Variants in DYRK1A observed in about 807,000 individuals in gnomAD.
DYRK1A encodes the protein dual specificity tyrosine-phosphorylation-regulated kinase 1A.
DYRK1A carries 9 observed loss-of-function variants against 79.7 expected under a neutral mutation model. The observed-to-expected ratio is 0.11, with a 90% CI of 0.07 to 0.20. DYRK1A has a LOEUF of 0.20. Among genes scored for constraint, DYRK1A ranks in the 10% least tolerant of loss-of-function variants. The pLI is 1.00. For synonymous variants in DYRK1A, 349 were observed against 329.7 expected, an observed-to-expected ratio of 1.06 and a Z score of -0.63; for missense variants, 622 against 956.0, an observed-to-expected ratio of 0.65 and a Z score of 4.61.
At chr21:37,494,210 C>T (rs2053188300) in intron 8 of DYRK1A, among the ~76,000 whole-genome samples, 1 of 151,674 alleles carries the variant, frequency 6.6e-6, no homozygotes, top group Admixed American at 6.6e-5. Flanking sequence ...TTCATTTCAA[C>T]TTGAACTGGT....
intron 1 of DYRK1A, among the ~76,000 whole-genome samples, chr21:37,393,585 G>A (rs1301716209): frequency 6.6e-6 from 1 of 152,154 alleles, no homozygotes; most frequent in African/African-American, 2.4e-5. Flanking sequence ...GAGGTAGAAT[G>A]TTTATTTTGA....
In DYRK1A at chr21:37,505,274, C is replaced by T. The variant is rs1162465153; in HGVS notation, c.1213-9C>T. ...ATTTAGAGAAAGCCTTTCATCTTCT[C>T]TCTTACAGGAGTACAAACCACCAGG... On this transcript the variant is annotated splice_polypyrimidine_tract_variant and intron_variant, in intron 9 of 11. Coordinates refer to ENST00000647188, the MANE Select transcript of DYRK1A (RefSeq NM_001347721.2). 2.4e-5 allele frequency: 38 copies of T among 1,597,464 alleles called. No individual in the cohort carries two copies. The Admixed American group carries it at 4.8e-4, about 20-fold the overall frequency.
chr21:37,446,044 C>T (rs1363111650), intron 2 of DYRK1A, among the ~76,000 whole-genome samples: 5 of 152,136 alleles, frequency 3.3e-5, no homozygotes, highest in Admixed American at 6.5e-5. Context: ...GCTTCTAAAA[C>T]GGTAAATCAG....
Position 37,520,233 on chromosome 21 carries a change from C to G in DYRK1A, c.*7702C>G, listed in dbSNP as rs920774765. On this transcript the variant is annotated 3_prime_UTR_variant, in exon 12 of 12. Coordinates refer to ENST00000647188, the MANE Select transcript of DYRK1A (RefSeq NM_001347721.2). ...CAGGGGCCAGTCCCCACCCTTTGCT[C>G]CCACTCCAAGGAAAGTCTGTTACAT... is the stretch of plus-strand genomic sequence containing the variant. The G allele has an allele frequency of 2.0e-5, 3 of 152,150 alleles. No homozygotes were observed. The highest frequency in any genetic ancestry group is 7.2e-5 in the African/African-American group (3 of 41,408). The allele number at this position is 152,150 out of a possible 1,614,324, so 9.4% of individuals were successfully genotyped here. A position where few individuals can be genotyped will look rare whatever the true frequency, so the allele number is the denominator to read the frequency against.
intron 2 of DYRK1A, among the ~76,000 whole-genome samples, chr21:37,444,424 A>T (rs1275434730): frequency 1.3e-5 from 2 of 152,224 alleles, no homozygotes; most frequent in Non-Finnish European, 2.9e-5. Flanking sequence ...ATAGTAAGTC[A>T]GGCACGCATT....
rs1399540497 is a variant in DYRK1A, at chr21:37,505,520, G to A, written c.1450G>A (p.Val484Ile). Reference sequence around the variant, plus strand: ...TGAAGGTACAAATACAAGTAATAGTGTATCTACAAGCCCCGCCATGGAGCA... The same window carrying A: ...TGAAGGTACAAATACAAGTAATAGTATATCTACAAGCCCCGCCATGGAGCA... ...ADEGTNTSNS[V>I]STSPAMEQSQ... Residue 484 changes from valine to isoleucine, a missense_variant, in exon 10 of 12, where the codon GTA becomes ATA. This residue lies in a region of DYRK1A where 21 missense variants were observed against 62.5 expected (regional missense o/e 0.34). Transcript: ENST00000647188. 1.2e-6 allele frequency: 2 copies of A among 1,612,964 alleles called. No homozygotes were observed. Among genetic ancestry groups the A allele is most frequent in the African/African-American group, 2.7e-5 (2 of 74,912 alleles).
intron 9 of DYRK1A, chr21:37,502,998 G>A (rs2053495490): frequency 6.6e-6 from 1 of 152,124 alleles, no homozygotes; most frequent in Non-Finnish European, 1.5e-5. Context: ...GTTATTCTTA[G>A]CATTGTTCCC....
At chr21:37,472,576 T>A (rs2052260550) in intron 2 of DYRK1A, 108 bp from the exon 3 acceptor site, 1 of 958,370 alleles carries the variant, frequency 1.0e-6, no homozygotes, top group Non-Finnish European at 1.5e-6. Flanking sequence ...AAAAGTTTTT[T>A]AATATTGAAT....
rs1381541764 is a variant in DYRK1A, at chr21:37,506,138, C to T, written c.1559C>T (p.Ser520Leu). 4 of 1,613,876 alleles carry T rather than the reference C, an allele frequency of 2.5e-6. No individual in the cohort carries two copies. The highest frequency in any genetic ancestry group is 1.6e-4 in the Middle Eastern group (1 of 6,062). Reference protein sequence around the residue: ...SGTSNSGRARSDPTHQHRHSG... With the variant: ...SGTSNSGRARLDPTHQHRHSG... ...ACAAGCAACAGTGGGAGAGCCCGGT[C>T]GGATCCGACGCACCAGCATCGGCAC... The change falls in exon 11 of 12, where the codon TCG (serine) becomes TTG (leucine). Residue 520 changes from serine (S) to leucine (L), a missense_variant. By Grantham distance (145) the Ser-to-Leu change is moderately radical. This residue lies in a region of DYRK1A where 292 missense variants were observed against 316.7 expected (regional missense o/e 0.92). Transcript: ENST00000647188.
rs138013864 is a variant in DYRK1A at position 37,420,150 on chromosome 21, T to TTAAG, written c.-76-147_-76-144dup. 0.08 allele frequency: 29,167 copies of TTAAG among 363,756 alleles called. 1,644 individuals are homozygous for TTAAG. Among genetic ancestry groups the TTAAG allele is most frequent in the Non-Finnish European group, 0.1 (21,130 of 201,918 alleles). The allele number at this position is 363,756 out of a possible 1,614,324, so 22.5% of individuals were successfully genotyped here. On this transcript the variant is annotated intron_variant, in intron 1 of 11. Coordinates refer to ENST00000647188, the MANE Select transcript of DYRK1A (RefSeq NM_001347721.2). The stretch of plus-strand genomic sequence containing the variant: ...TTGATTATTGAAGACTAAGGAAAAT[T>TTAAG]TAAGTTTGAATGTTAGAAAATGAAT...
chr21:37,471,549 G>T (rs1014909896), intron 2 of DYRK1A, among the ~76,000 whole-genome samples: 2 of 152,184 alleles, frequency 1.3e-5, no homozygotes, highest in East Asian at 3.8e-4. Flanking sequence ...GCTGTTCTGA[G>T]TATGTTGTAT....
intron 1 of DYRK1A, among the ~76,000 whole-genome samples, chr21:37,369,237 C>G (rs1327233536): frequency 6.6e-6 from 1 of 152,062 alleles, no homozygotes; most frequent in Non-Finnish European, 1.5e-5. Context: ...GGGGAATTAC[C>G]TTTAGCTTTT....
chr21:37,480,901 C>A, intron 5 of DYRK1A, 75 bp downstream of exon 5: 2 of 1,190,290 alleles, frequency 1.7e-6, no homozygotes, highest in Non-Finnish European at 2.4e-6. Flanking sequence ...AACAGCCCTT[C>A]CTCAAGAGTG....
intron 8 of DYRK1A, among the ~76,000 whole-genome samples, chr21:37,494,873 A>AG (rs1457526166): frequency 2.0e-5 from 3 of 151,332 alleles, no homozygotes; most frequent in African/African-American, 7.3e-5. Context: ...GCTTGAACCC[A>AG]GGAGGCAGAG....
intron 2 of DYRK1A, among the ~76,000 whole-genome samples, chr21:37,465,835 T>G (rs905582234): frequency 6.6e-6 from 1 of 151,182 alleles, no homozygotes; most frequent in Non-Finnish European, 1.5e-5. Context: ...AGACTCTGTC[T>G]CAGAAAAAAA....
intron 1 of DYRK1A, among the ~76,000 whole-genome samples, chr21:37,416,747 T>A: frequency 6.6e-6 from 1 of 151,840 alleles, no homozygotes; most frequent in Non-Finnish European, 1.5e-5. Context: ...GCTTTTCTGT[T>A]GTTGCTTATT....
intron 9 of DYRK1A, among the ~76,000 whole-genome samples, chr21:37,499,505 A>G (rs2053375815): frequency 6.6e-6 from 1 of 152,198 alleles, no homozygotes; most frequent in Non-Finnish European, 1.5e-5. Context: ...TTGGGATTGC[A>G]TTCAGGAAAA....
At chr21:37,421,985 A>T (rs2050488681) in intron 2 of DYRK1A, 1 of 152,158 alleles carries the variant, frequency 6.6e-6, no homozygotes, top group Non-Finnish European at 1.5e-5. Context: ...TTATCCTCAC[A>T]AGACATGGAG....
rs2053948715 is a variant in DYRK1A at position 37,523,477 on chromosome 21, A to G, written c.*10946A>G. On this transcript the variant is annotated 3_prime_UTR_variant, in exon 12 of 12. Coordinates refer to ENST00000647188, the MANE Select transcript of DYRK1A (RefSeq NM_001347721.2). ...GAAGAAAAAATAAGAGAGATTCATT[A>G]TGTTCTAATGACTATGAGGGAAGCT... 1 of 152,216 alleles carries G rather than the reference A, an allele frequency of 6.6e-6. No individual in the cohort carries two copies. Among genetic ancestry groups the G allele is most frequent in the Non-Finnish European group, 1.5e-5 (1 of 68,034 alleles). The allele number at this position is 152,216 out of a possible 1,614,324, so 9.4% of individuals were successfully genotyped here. A position where few individuals can be genotyped will look rare whatever the true frequency, so the allele number is the denominator to read the frequency against.
Sources: allele counts gnomAD v4.1 joint callset (sites outside exome capture counted in the v4.1 genomes callset), GRCh38; gene constraint gnomAD v4.1.1; regional missense constraint gnomAD v4.1.1; transcripts MANE v1.5; gene names NCBI Gene and HGNC (gene_info 2026-07-23, HGNC 2026-07-21).